Variants in ATP8B4 observed in about 807,000 individuals in gnomAD.
ATP8B4 encodes the protein ATPase phospholipid transporting 8B4 (putative).
In ATP8B4, 133 loss-of-function variants were observed where a neutral mutation model predicts 145.6. The observed-to-expected ratio is 0.91, with a 90% confidence interval of 0.79 to 1.05. The LOEUF (loss-of-function observed/expected upper bound fraction) is 1.05, where lower values mean the gene tolerates loss of function less well. Ranked by LOEUF, ATP8B4 falls within the 50% of genes least tolerant of loss-of-function variation. ATP8B4 has a pLI of 0.00. For missense variants in ATP8B4, 1,458 were observed against 1,425.2 expected, an observed-to-expected ratio of 1.02 and a Z score of -0.37; for synonymous variants, 507 against 492.9, an observed-to-expected ratio of 1.03 and a Z score of -0.38.
chr15:50,114,545 G>C (rs951413642), intron 1 of ATP8B4: 3 of 152,242 alleles, frequency 2.0e-5, no homozygotes, highest in African/African-American at 7.3e-5. Context: ...TCTCAACCCT[G>C]CTTTGGCCAT....
intron 1 of ATP8B4, among the ~76,000 whole-genome samples, chr15:50,177,617 T>C (rs1011731716): frequency 2.6e-5 from 4 of 152,184 alleles, no homozygotes; most frequent in African/African-American, 9.7e-5. Flanking sequence ...CCTTTCCCAC[T>C]CTATGCAATG....
intron 15 of ATP8B4, among the ~76,000 whole-genome samples, chr15:49,932,439 A>G (rs1416122486): frequency 6.6e-6 from 1 of 152,048 alleles, no homozygotes; most frequent in African/African-American, 2.4e-5. Context: ...AAATTCACAA[A>G]AGGAAAAAAC....
intron 9 of ATP8B4, among the ~76,000 whole-genome samples, chr15:49,996,122 T>C (rs1370346229): frequency 6.6e-6 from 1 of 152,056 alleles, no homozygotes; most frequent in Admixed American, 6.6e-5. Flanking sequence ...AAGATGGAAA[T>C]ACTAAAACCA....
chr15:49,999,772 A>G (rs1243734715), intron 8 of ATP8B4, among the ~76,000 whole-genome samples: 1 of 152,144 alleles, frequency 6.6e-6, no homozygotes, highest in Non-Finnish European at 1.5e-5. Context: ...TGATATTGAA[A>G]TAGTTAAGAT....
chr15:50,170,880 T>C (rs1291924570), intron 1 of ATP8B4, among the ~76,000 whole-genome samples: 3 of 152,068 alleles, frequency 2.0e-5, no homozygotes, highest in Non-Finnish European at 4.4e-5. Flanking sequence ...TTCATGCAAA[T>C]GGACACAAAA....
At position 49,916,986 on chromosome 15, in the gene ATP8B4, C is replaced by T; in HGVS notation, c.2089G>A (p.Asp697Asn). The T allele has an allele frequency of 6.2e-7, 1 of 1,614,004 alleles. No homozygotes were observed. The highest frequency in any genetic ancestry group is 8.5e-7 in the Non-Finnish European group (1 of 1,179,920). Residue 697 changes from aspartate to asparagine, a missense_variant, in exon 20 of 28, where the codon GAT becomes AAT. Physicochemically the swap from Asp to Asn is conservative, Grantham distance 23. Coordinates refer to ENST00000284509, the MANE Select transcript of ATP8B4 (RefSeq NM_024837.4). ...TTATTCCCTGCTATCACAAACACAT[C>T]ATTCATGTCGTCAGTCAGCATGTTG... ...ACNMLTDDMN[D>N]VFVIAGNNAV...
chr15:50,014,099 T>A (rs1269282585), intron 6 of ATP8B4, among the ~76,000 whole-genome samples: 2 of 152,194 alleles, frequency 1.3e-5, no homozygotes, highest in African/African-American at 4.8e-5. Context: ...CCTTTCCATG[T>A]TCTAATGCTC....
At position 49,901,246 on chromosome 15, in the gene ATP8B4, GGA is replaced by G; in HGVS notation, c.2142-9_2142-8del. The stretch of plus-strand genomic sequence containing the variant: ...CAAATTTTGTTTTGCTTTCCTTAAA[GGA>G]GAGGGTGAAAAGTGAAACATAACAA... On this transcript the variant is annotated splice_region_variant and splice_polypyrimidine_tract_variant and intron_variant, in intron 20 of 27. Coordinates refer to ENST00000284509, the MANE Select transcript of ATP8B4 (RefSeq NM_024837.4). The G allele has an allele frequency of 6.2e-7, 1 of 1,612,274 alleles. No individual in the cohort carries two copies. Among genetic ancestry groups the G allele is most frequent in the Non-Finnish European group, 8.5e-7 (1 of 1,178,906 alleles).
intron 26 of ATP8B4, among the ~76,000 whole-genome samples, chr15:49,863,768 A>T (rs1235000188): frequency 2.6e-5 from 4 of 152,174 alleles, no homozygotes; most frequent in Non-Finnish European, 5.9e-5. Context: ...TGGGAAAACA[A>T]GCTTCACTTT....
Position 49,858,277 on chromosome 15 carries a change from C to T in ATP8B4, c.*1917G>A, listed in dbSNP as rs1424251106. 2 of 152,116 alleles carry T rather than the reference C, an allele frequency of 1.3e-5. No individual in the cohort carries two copies. The highest frequency in any genetic ancestry group is 2.9e-5 in the Non-Finnish European group (2 of 68,008). 9.4% of individuals were successfully genotyped at this position (152,116 alleles called of 1,614,324 possible). A position where few individuals can be genotyped will look rare whatever the true frequency, so the allele number is the denominator to read the frequency against. ...AAACATTTACTGAAAGTTTTCAAAT[C>T]TTGCAAAAATGTTACAAAAAGTGAG... On this transcript the variant is annotated 3_prime_UTR_variant, in exon 28 of 28. Coordinates refer to ENST00000284509, the MANE Select transcript of ATP8B4 (RefSeq NM_024837.4).
chr15:49,953,607 C>T (rs1223356623), intron 14 of ATP8B4, among the ~76,000 whole-genome samples: 2 of 152,158 alleles, frequency 1.3e-5, no homozygotes, highest in African/African-American at 2.4e-5. Context: ...TTGGTGCTGC[C>T]CTTCCCCCAC....
chr15:50,051,520 T>C (rs2052186161), intron 3 of ATP8B4, among the ~76,000 whole-genome samples: 1 of 152,188 alleles, frequency 6.6e-6, no homozygotes, highest in African/African-American at 2.4e-5. Context: ...TGAAAACCGT[T>C]CTGAAAGCTA....
At chr15:50,129,806 A>C (rs7177714) in intron 1 of ATP8B4, among the ~76,000 whole-genome samples, 1 of 152,052 alleles carries the variant, frequency 6.6e-6, no homozygotes, top group Non-Finnish European at 1.5e-5. Flanking sequence ...AAATTAGTTG[A>C]GCATGGTGGC....
chr15:50,058,811 A>G (rs182223723), intron 3 of ATP8B4, among the ~76,000 whole-genome samples: 40 of 151,940 alleles, frequency 2.6e-4, no homozygotes, highest in African/African-American at 9.7e-4. Context: ...GTAAATCTAT[A>G]TTCAAACAAA....
chr15:50,050,253 T>C (rs373622750), intron 3 of ATP8B4, among the ~76,000 whole-genome samples: 2 of 152,356 alleles, frequency 1.3e-5, no homozygotes, highest in African/African-American at 4.8e-5. Context: ...AACAAGTCTA[T>C]GTATAGTAAG....
chr15:50,136,066 T>G (rs2044117556), intron 1 of ATP8B4, among the ~76,000 whole-genome samples: 1 of 152,204 alleles, frequency 6.6e-6, no homozygotes, highest in Admixed American at 6.5e-5. Flanking sequence ...GCAATTCCAT[T>G]TGGATCCCCT....
chr15:49,893,287 G>C (rs947341982), intron 23 of ATP8B4, among the ~76,000 whole-genome samples: 5 of 152,122 alleles, frequency 3.3e-5, no homozygotes, highest in African/African-American at 9.7e-5. Context: ...AGAGAAGATG[G>C]GGAGGTGAGA....
intron 1 of ATP8B4, among the ~76,000 whole-genome samples, chr15:50,132,151 G>A (rs1399586092): frequency 2.0e-5 from 3 of 152,060 alleles, no homozygotes; most frequent in Non-Finnish European, 4.4e-5. Flanking sequence ...ATTTATTTAA[G>A]TACAGGCTGT....
At chr15:50,105,257 A>G (rs989707754) in intron 2 of ATP8B4, among the ~76,000 whole-genome samples, 1 of 568 alleles carries the variant, frequency 1.8e-3, no homozygotes, top group Admixed American at 0.029. Context: ...TGAAATTTGA[A>G]AAAAAAAAAA....
Sources: allele counts gnomAD v4.1 joint callset (sites outside exome capture counted in the v4.1 genomes callset), GRCh38; gene constraint gnomAD v4.1.1; transcripts MANE v1.5; gene names NCBI Gene and HGNC (gene_info 2026-07-23, HGNC 2026-07-21).